The following CDKN2A variants were observed in gnomAD, a reference collection of about 807,000 sequenced individuals.
CDKN2A encodes cyclin dependent kinase inhibitor 2A, also known as cyclin-dependent kinase inhibitor 2A.
CDKN2A carries 3 observed loss-of-function variants against 11.1 expected under a neutral mutation model. That is an observed-to-expected ratio of 0.27 (90% CI 0.12 to 0.70). The LOEUF (loss-of-function observed/expected upper bound fraction) is 0.70. Ranked by LOEUF, CDKN2A falls within the 30% of genes least tolerant of loss-of-function variation. The probability of loss-of-function intolerance (pLI) is 0.77; values close to 1 mark genes in which losing one functional copy is unlikely to be tolerated. For synonymous variants in CDKN2A, 122 were observed against 108.1 expected, an observed-to-expected ratio of 1.13 and a Z score of -0.80; for missense variants, 265 against 233.6, an observed-to-expected ratio of 1.13 and a Z score of -0.88.
intron 2 of CDKN2A, chr9:21,969,623 G>A (rs183556827): frequency 9.6e-4 from 321 of 334,360 alleles, no homozygotes; most frequent in African/African-American, 6.3e-3. Context: ...ATTTGCTTGT[G>A]GCCCAATTCA....
chr9:21,993,879 C>T, intron 2 of CDKN2A: 1 of 559,916 alleles, frequency 1.8e-6, no homozygotes, highest in Non-Finnish European at 3.2e-6. Context: ...ATTCGGGACT[C>T]ACTGACTTCT....
In CDKN2A at chr9:21,994,401, C is replaced by A. The variant is rs1167162867; in HGVS notation, c.-175-348G>T. ...CCTTTGGCACCAGAGGTGAGCAGCG[C>A]CACTCCTGCCCCCTTAACTGCAGAC... is the stretch of plus-strand genomic sequence containing the variant. On this transcript the variant is annotated intron_variant, in intron 1 of 3. Transcript: ENST00000494262. The A allele has an allele frequency of 5.0e-6, 8 of 1,607,066 alleles. No homozygotes were observed. The Admixed American group carries it at 1.0e-4, about 20-fold the overall frequency.
chr9:21,988,805 G>T lies in CDKN2A; in HGVS notation c.-4+5077C>A, dbSNP rs2131138081. ...ACTATATTTTTAAAAATACCACTATGTACAAGGCACTGTGCTATATCTGGA... is the reference window on the plus strand; with the variant it reads ...ACTATATTTTTAAAAATACCACTATTTACAAGGCACTGTGCTATATCTGGA... On this transcript the variant is annotated intron_variant, in intron 2 of 3. Transcript: ENST00000494262. The surrounding 1 kb of genome is among the most constrained non-coding windows in gnomAD (Gnocchi z 4.1). Among the ~76,000 whole-genome samples, 1 of 152,212 alleles carries T rather than the reference G, an allele frequency of 6.6e-6. No individual in the cohort carries two copies. Among genetic ancestry groups the T allele is most frequent in the Non-Finnish European group, 1.5e-5 (1 of 68,000 alleles).
intron 2 of CDKN2A, among the ~76,000 whole-genome samples, chr9:21,980,398 G>C (rs1820142642): frequency 6.6e-6 from 1 of 152,080 alleles, no homozygotes; most frequent in South Asian, 2.1e-4. Context: ...TGAAGAACTG[G>C]GATGGGCATG....
At chr9:21,970,878 A>C (rs1819677112) in intron 2 of CDKN2A, 24 bp downstream of exon 2, 1 of 1,608,946 alleles carries the variant, frequency 6.2e-7, no homozygotes, top group South Asian at 1.1e-5. Flanking sequence ...TCAGGGTACA[A>C]ATTCTCAGAT....
rs71336508 is a variant in CDKN2A, at chr9:21,993,799, CTGTGTGTGTGTGTGTGTG to C, written c.-4+65_-4+82del. The stretch of plus-strand genomic sequence containing the variant: ...GTGTGCTTGAAATACACCTTTCCTA[CTGTGTGTGTGTGTGTGTG>C]TGTGTGTGTGTGTGTGTGTGTGTGT... On this transcript the variant is annotated intron_variant, in intron 2 of 3. Transcript: ENST00000494262. 871 of 247,482 alleles carry C rather than the reference CTGTGTGTGTGTGTGTGTG, an allele frequency of 3.5e-3. 2 individuals are homozygous for C. The highest frequency in any genetic ancestry group is 5.2e-3 in the Non-Finnish European group (678 of 129,574). The allele number at this position is 247,482 out of a possible 1,614,324, so 15.3% of individuals were successfully genotyped here.
chr9:21,975,093 G>C, upstream of CDKN2A: 1 of 1,294,898 alleles, frequency 7.7e-7, no homozygotes, highest in Non-Finnish European at 9.8e-7. Flanking sequence ...GTCGCCCCAG[G>C]TTGGGTCTCC....
At chr9:21,976,574 G>T (rs1820036915), upstream of CDKN2A, among the ~76,000 whole-genome samples, 2 of 151,662 alleles carry the variant, frequency 1.3e-5, no homozygotes, top group African/African-American at 4.8e-5. Flanking sequence ...AAATTAGCGG[G>T]GCTTGGTGGC....
intron 2 of CDKN2A, among the ~76,000 whole-genome samples, chr9:21,984,700 G>C (rs763660797): frequency 5.3e-5 from 8 of 151,928 alleles, no homozygotes; most frequent in Non-Finnish European, 1.2e-4. Context: ...TTCACTGATA[G>C]GTTTAACACT....
rs145809361 is a variant in CDKN2A, at chr9:21,984,296, C to A, written c.-4+9586G>T. Among the ~76,000 whole-genome samples the A allele has an allele frequency of 1.3e-4, 20 of 151,962 alleles. 1 individual carries two copies. Among genetic ancestry groups the A allele is most frequent in the African/African-American group, 2.6e-4 (11 of 41,532 alleles). ...ATGACAGAAGAATTTCCAAAAAAAA[C>A]CCCTCATTAAATCATGAGAAGTGAC... On this transcript the variant is annotated intron_variant, in intron 2 of 3. Transcript: ENST00000494262.
At chr9:21,986,755 T>C (rs557334066) in intron 2 of CDKN2A, among the ~76,000 whole-genome samples, 1 of 152,124 alleles carries the variant, frequency 6.6e-6, no homozygotes, top group African/African-American at 2.4e-5. Context: ...AAAGTTTCAA[T>C]AAGCTTTTAA....
upstream of CDKN2A, among the ~76,000 whole-genome samples, chr9:21,976,180 GCCAGCT>G (rs1464439218): frequency 6.6e-6 from 1 of 151,076 alleles, no homozygotes; most frequent in African/African-American, 2.4e-5. Context: ...GGAGTTCGAG[GCCAGCT>G]TGGCCAAAAT....
rs1819691962 is a variant in CDKN2A, at chr9:21,971,001, C to G, written c.358G>C (p.Glu120Gln). 6.2e-7 allele frequency: 1 copy of G among 1,609,430 alleles called. No homozygotes were observed. The highest frequency in any genetic ancestry group is 8.5e-7 in the Non-Finnish European group (1 of 1,179,916). ...WGRLPVDLAE[E>Q]LGHRDVARYL... ...CGTGCGACATCGCGATGGCCCAGCTCCTCAGCCAGGTCCACGGGCAGACGG... is the reference window on the plus strand; with the variant it reads ...CGTGCGACATCGCGATGGCCCAGCTGCTCAGCCAGGTCCACGGGCAGACGG... Residue 120 changes from glutamate to glutamine, a missense_variant, in exon 2 of 3, where the codon GAG becomes CAG. Coordinates refer to ENST00000304494, the MANE Select transcript of CDKN2A (RefSeq NM_000077.5).
rs1563892453 is a variant in CDKN2A, at chr9:21,974,674, C to T, written c.150+4G>A. On this transcript the variant is annotated splice_donor_region_variant and intron_variant, in intron 1 of 2. Coordinates refer to ENST00000304494, the MANE Select transcript of CDKN2A (RefSeq NM_000077.5). This position sits in a 1 kb window ranked among gnomAD's most constrained non-coding sequence, Gnocchi z 5.2. ...CCTGCTCCCGCTGCAGACCCTCTAC[C>T]CACCTGGATCGGCCTCCGACCGTAA... 1 of 1,614,156 alleles carries T rather than the reference C, an allele frequency of 6.2e-7. No homozygotes were observed.
chr9:21,992,366 A>T (rs1337004802), intron 2 of CDKN2A: 2 of 955,492 alleles, frequency 2.1e-6, no homozygotes, highest in African/African-American at 1.8e-5. Context: ...ATCATTTTAC[A>T]TATGAAATTG....
At chr9:21,989,290 T>A (rs1307165420) in intron 2 of CDKN2A, 1 of 152,240 alleles carries the variant, frequency 6.6e-6, no homozygotes, top group African/African-American at 2.4e-5. Flanking sequence ...ATTTATTAAT[T>A]CCCAAGGTTT....
Position 21,974,848 on chromosome 9 carries a change from G to A in CDKN2A, c.-21C>T, listed in dbSNP as rs762129503. Reference sequence around the variant, plus strand: ...TCCATGCTGCTCCCCGCCGCCCGCTGCCTGCTCTCCCCCTCTCCGCAGCCG... The same window carrying A: ...TCCATGCTGCTCCCCGCCGCCCGCTACCTGCTCTCCCCCTCTCCGCAGCCG... On this transcript the variant is annotated 5_prime_UTR_variant, in exon 1 of 3. Transcript: ENST00000304494. This position sits in a 1 kb window ranked among gnomAD's most constrained non-coding sequence, Gnocchi z 5.2. 1.9e-6 allele frequency: 3 copies of A among 1,554,768 alleles called. No individual in the cohort carries two copies. The highest frequency in any genetic ancestry group is 2.6e-6 in the Non-Finnish European group (3 of 1,156,034).
In CDKN2A at chr9:21,991,710, T is replaced by G; in HGVS notation, c.-4+2172A>C. 1.0e-6 allele frequency: 1 copy of G among 983,074 alleles called. No individual in the cohort carries two copies. The highest frequency in any genetic ancestry group is 1.2e-6 in the Non-Finnish European group (1 of 827,808). 60.9% of individuals were successfully genotyped at this position (983,074 alleles called of 1,614,324 possible). The stretch of plus-strand genomic sequence containing the variant: ...TAAACCATCATAGACGGTAATAGGC[T>G]ATGTTGTTGCTACCTTAGGATCATA... On this transcript the variant is annotated intron_variant, in intron 2 of 3. Coordinates refer to the CDKN2A transcript ENST00000494262. The surrounding 1 kb of genome is among the most constrained non-coding windows in gnomAD (Gnocchi z 5.2).
intron 2 of CDKN2A, among the ~76,000 whole-genome samples, chr9:21,982,123 T>C (rs1431021761): frequency 6.6e-6 from 1 of 152,228 alleles, no homozygotes; most frequent in Non-Finnish European, 1.5e-5. Flanking sequence ...CTGTAAAATT[T>C]ATCTTCCTAC....
Sources: allele counts gnomAD v4.1 joint callset (sites outside exome capture counted in the v4.1 genomes callset), GRCh38; gene constraint gnomAD v4.1.1; non-coding constraint Gnocchi (gnomAD v3.1); transcripts MANE v1.5; gene names NCBI Gene and HGNC (gene_info 2026-07-23, HGNC 2026-07-21).